MTERF3: variants seen among roughly 807,000 people sequenced by gnomAD.
MTERF3 encodes transcription termination factor 3, mitochondrial.
Under a neutral mutation model 40.5 loss-of-function variants are expected in MTERF3, and 40 were observed. That is an observed-to-expected ratio of 0.99 (90% CI 0.77 to 1.29). MTERF3 has a LOEUF of 1.29. MTERF3 is among the 50% of genes most tolerant of loss of function. The probability of loss-of-function intolerance (pLI) is 0.00; values close to 1 mark genes in which losing one functional copy is unlikely to be tolerated. For synonymous variants in MTERF3, 158 were observed against 166.6 expected (o/e 0.95, Z 0.40); for missense variants, 452 against 478.2 (o/e 0.95, Z 0.51).
chr8:96,246,746 A>G (rs1225951430), intron 4 of MTERF3, among the ~76,000 whole-genome samples: 1 of 152,208 alleles, frequency 6.6e-6, no homozygotes, highest in Non-Finnish European at 1.5e-5. Context: ...TAGCAAAAAC[A>G]TGATTACTTT....
rs1554580081 is a variant in MTERF3 at position 96,250,681 on chromosome 8, AAGG to A, written c.677+222_677+224del. Among the ~76,000 whole-genome samples the A allele has an allele frequency of 6.9e-4, 16 of 23,336 alleles. 1 individual carries two copies. The highest frequency in any genetic ancestry group is 8.8e-4 in the African/African-American group (5 of 5,660). 15.3% of individuals were successfully genotyped at this position (23,336 alleles called of 152,430 possible). ...GAAGAAGAAGAAGAAGAAGAAGAAGAAGGAGGAGGAGGAGGGGGGGAGGGGGAG... is the reference window on the plus strand; with the variant it reads ...GAAGAAGAAGAAGAAGAAGAAGAAGAAGGAGGAGGAGGGGGGGAGGGGGAG... On this transcript the variant is annotated intron_variant, in intron 4 of 7. Coordinates refer to ENST00000287025, the MANE Select transcript of MTERF3 (RefSeq NM_015942.5).
chr8:96,254,286 A>T (rs1018519649), intron 3 of MTERF3, among the ~76,000 whole-genome samples: 8 of 152,178 alleles, frequency 5.3e-5, no homozygotes, highest in Non-Finnish European at 7.4e-5. Context: ...TGGTGAGAAC[A>T]CTTAAAATCT....
Position 96,247,414 on chromosome 8 carries a change from T to C in MTERF3, c.678-960A>G, listed in dbSNP as rs567468276. Among the ~76,000 whole-genome samples the C allele has an allele frequency of 5.9e-5, 9 of 152,352 alleles. No homozygotes were observed. In the South Asian group the frequency reaches 1.7e-3, roughly 28 times the overall value. On this transcript the variant is annotated intron_variant, in intron 4 of 7. Transcript: ENST00000287025. ...AAGTTTGACTATAAAATAACATTTT[T>C]AAAAAATCTAAAACATAGTAAAAGA...
At chr8:96,243,846 C>T in intron 7 of MTERF3, 73 bp downstream of exon 7, 1 of 1,491,188 alleles carries the variant, frequency 6.7e-7, no homozygotes, top group South Asian at 1.2e-5. Flanking sequence ...GCGTACAGAA[C>T]TATGCAGCTG....
At chr8:96,248,888 A>C (rs1810070898) in intron 4 of MTERF3, among the ~76,000 whole-genome samples, 2 of 152,216 alleles carry the variant, frequency 1.3e-5, no homozygotes, top group African/African-American at 4.8e-5. Flanking sequence ...TCATTTAAAT[A>C]AAGGTTCTCA....
intron 3 of MTERF3, 46 bp from the exon 4 acceptor site, chr8:96,251,141 C>T (rs1810178429): frequency 6.9e-7 from 1 of 1,458,992 alleles, no homozygotes; most frequent in Non-Finnish European, 9.1e-7. Context: ...TCTTAGTTCA[C>T]CCATTAAACT....
chr8:96,257,013 GT>G lies in MTERF3; in HGVS notation c.435del (p.Leu146PhefsTer17). On this transcript the variant is annotated frameshift_variant, in exon 3 of 8. Transcript: ENST00000287025. LOFTEE classifies it high-confidence loss of function. ...ADPPLPPASF[T>X]LRDYVDHSET... ...TCAGAATGATCCACATAGTCTCGAA[GT>G]GTGAATGAAGCTGGTGGCAATGGAG... 6.2e-7 allele frequency: 1 copy of G among 1,614,064 alleles called. No homozygotes were observed. Among genetic ancestry groups the G allele is most frequent in the Non-Finnish European group, 8.5e-7 (1 of 1,179,934 alleles).
At chr8:96,248,699 T>C (rs929976277) in intron 4 of MTERF3, among the ~76,000 whole-genome samples, 1 of 152,088 alleles carries the variant, frequency 6.6e-6, no homozygotes, top group African/African-American at 2.4e-5. Flanking sequence ...CAATAAAAAA[T>C]CAAGATATAA....
Position 96,250,933 on chromosome 8 carries a change from G to A in MTERF3, c.650C>T (p.Ser217Phe), listed in dbSNP as rs1249222971. The A allele has an allele frequency of 6.2e-7, 1 of 1,609,700 alleles. No individual in the cohort carries two copies. Among genetic ancestry groups the A allele is most frequent in the East Asian group, 2.2e-5 (1 of 44,726 alleles). ...GGTCTTCAGATTTTCAAGGTCTTCA[G>A]AGAAAATTGCATGATTTTTTGTCAG... is the stretch of plus-strand genomic sequence containing the variant. ...AFLTKNHAIF[S>F]EDLENLKTRV... Residue 217 changes from serine (S) to phenylalanine (F), a missense_variant, in exon 4 of 8, where the codon TCT becomes TTT. By Grantham distance (155) the Ser-to-Phe change is radical. Transcript: ENST00000287025.
chr8:96,257,134 A>G lies in MTERF3; in HGVS notation c.335-20T>C. ...CCAGTTCTTTGAAAGAGAGAAACAA[A>G]TTAGTGCTCTAATATGCACACTTAA... is the stretch of plus-strand genomic sequence containing the variant. On this transcript the variant is annotated intron_variant, in intron 2 of 7. Coordinates refer to ENST00000287025, the MANE Select transcript of MTERF3 (RefSeq NM_015942.5). 1 of 1,607,836 alleles carries G rather than the reference A, an allele frequency of 6.2e-7. No homozygotes were observed.
intron 4 of MTERF3, among the ~76,000 whole-genome samples, chr8:96,250,681 A>G (rs192565579): frequency 0.18 from 4,070 of 22,880 alleles, 1,106 homozygotes; most frequent in African/African-American, 0.54. Context: ...GAAGAAGAAG[A>G]AGGAGGAGGA....
Position 96,256,963 on chromosome 8 carries a change from TA to T in MTERF3, c.485del (p.Leu162GlnfsTer8), listed in dbSNP as rs763585331. 6.3e-7 allele frequency: 1 copy of T among 1,598,154 alleles called. No homozygotes were observed. Among genetic ancestry groups the T allele is most frequent in the East Asian group, 2.2e-5 (1 of 44,772 alleles). On this transcript the variant is annotated frameshift_variant and splice_region_variant, in exon 3 of 8. Coordinates refer to ENST00000287025, the MANE Select transcript of MTERF3 (RefSeq NM_015942.5). LOFTEE classifies it high-confidence loss of function. ...HSETLQKLVL[L>X]GVDLSKIEKH... Reference sequence around the variant, plus strand: ...TACTTGTAGTTTAGTCAAACTTACCTAGAAGAACCAACTTCTGCAGAGTCTC... The same window carrying T: ...TACTTGTAGTTTAGTCAAACTTACCTGAAGAACCAACTTCTGCAGAGTCTC...
chr8:96,244,463 C>T (rs866715152), intron 6 of MTERF3, among the ~76,000 whole-genome samples: 3 of 151,212 alleles, frequency 2.0e-5, no homozygotes, highest in East Asian at 1.9e-4. Flanking sequence ...TGCGGTGGCA[C>T]GATCTCAGCT....
intron 3 of MTERF3, among the ~76,000 whole-genome samples, chr8:96,252,441 A>G (rs1240400848): frequency 6.6e-6 from 1 of 152,200 alleles, no homozygotes; most frequent in Non-Finnish European, 1.5e-5. Flanking sequence ...AGAAAAACAA[A>G]AAAAATTACG....
chr8:96,258,799 T>A (rs1441231938), intron 1 of MTERF3, 99 bp from the exon 2 acceptor site: 1 of 918,832 alleles, frequency 1.1e-6, no homozygotes, highest in African/African-American at 1.7e-5. Flanking sequence ...TGGAAATTAT[T>A]TTTTTCTAAT....
At chr8:96,240,639 A>T (rs934267428) in intron 7 of MTERF3, among the ~76,000 whole-genome samples, 1 of 152,156 alleles carries the variant, frequency 6.6e-6, no homozygotes, top group African/African-American at 2.4e-5. Flanking sequence ...CTACAGAAAG[A>T]AGAGACAAAT....
chr8:96,260,959 A>G (rs1331635680), intron 1 of MTERF3, among the ~76,000 whole-genome samples: 1 of 152,226 alleles, frequency 6.6e-6, no homozygotes, highest in Non-Finnish European at 1.5e-5. Flanking sequence ...CGGGTAGGGG[A>G]TGTGCAGATG....
chr8:96,240,430 T>A (rs1809905113), intron 7 of MTERF3, among the ~76,000 whole-genome samples: 1 of 151,872 alleles, frequency 6.6e-6, no homozygotes, highest in South Asian at 2.1e-4. Flanking sequence ...GATTTCATAA[T>A]CTGTAACACC....
intron 7 of MTERF3, among the ~76,000 whole-genome samples, chr8:96,241,939 A>C (rs1809938432): frequency 6.6e-6 from 1 of 152,110 alleles, no homozygotes; most frequent in Non-Finnish European, 1.5e-5. Context: ...CATTACCCTA[A>C]AACTGCTTTT....
Sources: gnomAD v4.1 joint callset for allele counts (sites outside exome capture counted in the v4.1 genomes callset) on GRCh38, gnomAD v4.1.1 for gene constraint, MANE v1.5 for transcripts, NCBI Gene and HGNC (gene_info 2026-07-23, HGNC 2026-07-21) for gene names.